The following EPB41L3 variants were observed in gnomAD, a reference collection of about 807,000 sequenced individuals.
EPB41L3 encodes erythrocyte membrane protein band 4.1 like 3, also known as band 4.1-like protein 3.
A neutral mutation model predicts 127.1 loss-of-function variants in EPB41L3; 57 were observed. The ratio of observed to expected loss-of-function variants is 0.45; its 90% CI spans 0.36 to 0.56. The LOEUF (loss-of-function observed/expected upper bound fraction) is 0.56. EPB41L3 is among the 20% of genes least tolerant of loss of function. The probability of loss-of-function intolerance (pLI) is 0.00; values close to 1 mark genes in which losing one functional copy is unlikely to be tolerated. For synonymous variants in EPB41L3, 572 were observed against 549.5 expected (o/e 1.04, Z -0.57); for missense variants, 1,273 against 1,372.2 (o/e 0.93, Z 1.14).
At chr18:5,401,616 G>A (rs1598463717) in intron 16 of EPB41L3, among the ~76,000 whole-genome samples, 1 of 151,986 alleles carries the variant, frequency 6.6e-6, no homozygotes. Context: ...AATACTCAAT[G>A]GCTTTATTTG....
intron 3 of EPB41L3, among the ~76,000 whole-genome samples, chr18:5,592,928 G>A (rs576266185): frequency 6.6e-6 from 1 of 152,254 alleles, no homozygotes; most frequent in South Asian, 2.1e-4. Flanking sequence ...TGTATCTTTC[G>A]GCTGTATCTG....
At chr18:5,596,142 C>T (rs545458097) in intron 3 of EPB41L3, among the ~76,000 whole-genome samples, 1 of 152,324 alleles carries the variant, frequency 6.6e-6, no homozygotes, top group East Asian at 1.9e-4. Flanking sequence ...CAGAAAACCA[C>T]TTACCTGAAG....
At chr18:5,508,020 C>T (rs1222514884) in intron 1 of EPB41L3, 2 of 152,102 alleles carry the variant, frequency 1.3e-5, no homozygotes, top group African/African-American at 2.4e-5. Flanking sequence ...TAATTACTTA[C>T]CCCAGGACTT....
chr18:5,573,516 T>C (rs1467628654), intron 3 of EPB41L3, among the ~76,000 whole-genome samples: 2 of 152,206 alleles, frequency 1.3e-5, no homozygotes, highest in African/African-American at 2.4e-5. Context: ...AGGGTAGGGA[T>C]ATCCCTAGGT....
chr18:5,406,217 C>T (rs559100424), intron 16 of EPB41L3, among the ~76,000 whole-genome samples: 65 of 152,254 alleles, frequency 4.3e-4, no homozygotes, highest in Admixed American at 1.4e-3. Context: ...CCCCACTGCA[C>T]TCCAGCCTGG....
At chr18:5,443,666 T>G in intron 5 of EPB41L3, among the ~76,000 whole-genome samples, 172 bp downstream of exon 5, 1 of 152,216 alleles carries the variant, frequency 6.6e-6, no homozygotes, top group Non-Finnish European at 1.5e-5. Context: ...ACGGTCCCTT[T>G]AACTCCAAGT....
intron 3 of EPB41L3, among the ~76,000 whole-genome samples, chr18:5,583,322 C>A (rs2094412536): frequency 6.6e-6 from 1 of 152,154 alleles, no homozygotes. Context: ...AGTTCAGTGA[C>A]CCCATGGCTG....
At chr18:5,445,338 C>T (rs2081321663) in intron 3 of EPB41L3, 94 bp from the exon 4 acceptor site, 1 of 972,806 alleles carries the variant, frequency 1.0e-6, no homozygotes, top group Middle Eastern at 2.4e-4. Flanking sequence ...TAAAACATTG[C>T]TTGGTGTAAC....
intron 3 of EPB41L3, among the ~76,000 whole-genome samples, chr18:5,447,645 C>T (rs887717800): frequency 8.5e-5 from 13 of 152,218 alleles, no homozygotes; most frequent in African/African-American, 2.7e-4. Flanking sequence ...CATTTCTCAA[C>T]GGAGGAATCG....
At chr18:5,625,848 C>A (rs1039209241) in intron 1 of EPB41L3, among the ~76,000 whole-genome samples, 1 of 152,104 alleles carries the variant, frequency 6.6e-6, no homozygotes, top group African/African-American at 2.4e-5. Context: ...AGGGAGGTGT[C>A]CAAGTTCTTA....
At chr18:5,519,559 G>C (rs2092901989) in intron 1 of EPB41L3, among the ~76,000 whole-genome samples, 1 of 152,256 alleles carries the variant, frequency 6.6e-6, no homozygotes, top group South Asian at 2.1e-4. Flanking sequence ...TTCAAAAGAG[G>C]ATGCAAATCC....
At chr18:5,417,182 A>G (rs183221538) in intron 12 of EPB41L3, among the ~76,000 whole-genome samples, 40 of 152,364 alleles carry the variant, frequency 2.6e-4, no homozygotes, top group Admixed American at 5.2e-4. Flanking sequence ...ATGATGCATA[A>G]TAACAGAAAG....
intron 5 of EPB41L3, among the ~76,000 whole-genome samples, chr18:5,442,265 T>A (rs1214538781): frequency 6.6e-6 from 1 of 152,214 alleles, no homozygotes; most frequent in East Asian, 1.9e-4. Context: ...CACCTATTTA[T>A]CACAACTACA....
intron 3 of EPB41L3, among the ~76,000 whole-genome samples, chr18:5,597,285 G>A (rs2094546063): frequency 6.6e-6 from 1 of 152,046 alleles, no homozygotes; most frequent in Non-Finnish European, 1.5e-5. Flanking sequence ...CATAACCTCA[G>A]ATTTTTCTAA....
Position 5,406,760 on chromosome 18 carries a change from C to A in EPB41L3, c.2349+17G>T, listed in dbSNP as rs1396901869. The A allele has an allele frequency of 3.7e-6, 6 of 1,606,424 alleles. No homozygotes were observed. The highest frequency in any genetic ancestry group is 5.1e-6 in the Non-Finnish European group (6 of 1,174,858). ...GGTAAACAGAATACGAGTCTGACCA[C>A]AAACCTGACTACTGACCTCTTCAGG... On this transcript the variant is annotated intron_variant, in intron 16 of 22. Transcript: ENST00000341928.
At chr18:5,570,132 C>G (rs2094258333) in intron 3 of EPB41L3, 2 of 152,172 alleles carry the variant, frequency 1.3e-5, no homozygotes, top group Admixed American at 1.3e-4. Context: ...TCTATCCTAT[C>G]CTGCCTTTAG....
intron 3 of EPB41L3, among the ~76,000 whole-genome samples, chr18:5,551,372 G>A (rs540730682): frequency 9.2e-5 from 14 of 152,094 alleles, no homozygotes; most frequent in South Asian, 2.1e-4. Flanking sequence ...TAGCACAGAC[G>A]GGTGGTTCTC....
intron 1 of EPB41L3, among the ~76,000 whole-genome samples, chr18:5,514,153 T>C (rs1047109758): frequency 2.0e-5 from 3 of 152,214 alleles, no homozygotes; most frequent in African/African-American, 7.2e-5. Flanking sequence ...ATTACTTCAG[T>C]ATGAAACACT....
chr18:5,545,873 CTGTGTGTGTGTGTGTGTGTGTGTGTGTG>C (rs36213569), upstream of EPB41L3, among the ~76,000 whole-genome samples: 14 of 146,866 alleles, frequency 9.5e-5, no homozygotes, highest in Non-Finnish European at 1.7e-4. Context: ...CTGTATGACT[CTGTGTGTGTGTGTGTGTGTGTGTGTGTG>C]TGTGTGTGTG....
Sources: allele counts gnomAD v4.1 joint callset (sites outside exome capture counted in the v4.1 genomes callset), GRCh38; gene constraint gnomAD v4.1.1; transcripts MANE v1.5; gene names NCBI Gene and HGNC (gene_info 2026-07-23, HGNC 2026-07-21).